Variants in RIT2 observed in about 807,000 individuals in gnomAD.
The protein encoded by RIT2 is GTP-binding protein Rit2.
Under a neutral mutation model 23.7 loss-of-function variants are expected in RIT2, and 24 were observed. The ratio of observed to expected loss-of-function variants is 1.01; its 90% CI spans 0.73 to 1.43. The LOEUF (loss-of-function observed/expected upper bound fraction) is 1.43. Among genes scored for constraint, RIT2 ranks in the 40% most tolerant of loss-of-function variants. The pLI is 0.00. For synonymous variants in RIT2, 107 were observed against 91.1 expected (o/e 1.17, Z -0.99); for missense variants, 236 against 266.9 (o/e 0.88, Z 0.81).
chr18:42,878,991 T>C (rs1414550571), intron 4 of RIT2, among the ~76,000 whole-genome samples: 1 of 152,166 alleles, frequency 6.6e-6, no homozygotes, highest in African/African-American at 2.4e-5. Context: ...TTGGTCTTTG[T>C]TTATGTTTCT....
intron 4 of RIT2, among the ~76,000 whole-genome samples, chr18:42,866,717 G>T (rs1054439566): frequency 9.3e-5 from 14 of 150,632 alleles, no homozygotes; most frequent in African/African-American, 3.4e-4. Context: ...GTCATTTTTA[G>T]CAGTTCTTTA....
intron 4 of RIT2, among the ~76,000 whole-genome samples, chr18:42,749,036 A>G (rs1425588137): frequency 1.3e-5 from 2 of 151,996 alleles, no homozygotes; most frequent in Non-Finnish European, 2.9e-5. Flanking sequence ...AACAAATGAA[A>G]AAGTCAGATT....
chr18:42,811,965 A>G (rs1300309460), intron 4 of RIT2, among the ~76,000 whole-genome samples: 1 of 152,178 alleles, frequency 6.6e-6, no homozygotes, highest in Non-Finnish European at 1.5e-5. Context: ...CTTCATAAAT[A>G]TGAAAGTCAT....
chr18:42,911,601 T>C (rs1260185579), intron 4 of RIT2, among the ~76,000 whole-genome samples: 1 of 152,008 alleles, frequency 6.6e-6, no homozygotes, highest in African/African-American at 2.4e-5. Flanking sequence ...GTGCCTTACA[T>C]ATATGCAAAA....
chr18:42,805,725 A>T (rs2143968102), intron 4 of RIT2, among the ~76,000 whole-genome samples: 1 of 152,296 alleles, frequency 6.6e-6, no homozygotes, highest in Admixed American at 6.5e-5. Context: ...AGCTCATAAG[A>T]CAAATCTTTA....
intron 4 of RIT2, among the ~76,000 whole-genome samples, chr18:42,872,208 A>T (rs1337844656): frequency 6.6e-6 from 1 of 152,218 alleles, no homozygotes; most frequent in Non-Finnish European, 1.5e-5. Flanking sequence ...CAAACTGGCT[A>T]GGCCATTGAA....
intron 1 of RIT2, among the ~76,000 whole-genome samples, chr18:43,112,830 A>T (rs1013783435): frequency 7.2e-5 from 11 of 152,176 alleles, no homozygotes; most frequent in African/African-American, 2.2e-4. Context: ...TTAGTTTTTA[A>T]TTCATGTTTA....
intron 4 of RIT2, among the ~76,000 whole-genome samples, chr18:42,828,298 T>G (rs1038208124): frequency 6.6e-6 from 1 of 152,216 alleles, no homozygotes; most frequent in African/African-American, 2.4e-5. Flanking sequence ...CATTGATCAT[T>G]AAAATGAAAA....
At chr18:43,046,591 G>T (rs1370127609) in intron 1 of RIT2, among the ~76,000 whole-genome samples, 1 of 152,148 alleles carries the variant, frequency 6.6e-6, no homozygotes, top group Non-Finnish European at 1.5e-5. Context: ...AGACAACACA[G>T]GGTCTTCCAC....
intron 1 of RIT2, among the ~76,000 whole-genome samples, chr18:43,112,535 G>A (rs963450102): frequency 3.9e-5 from 6 of 152,110 alleles, no homozygotes; most frequent in African/African-American, 7.2e-5. Context: ...AATCTTGTGG[G>A]AATTCCTATT....
chr18:42,965,597 C>T (rs956237181), intron 3 of RIT2, among the ~76,000 whole-genome samples: 4 of 151,036 alleles, frequency 2.6e-5, no homozygotes, highest in African/African-American at 7.3e-5. Flanking sequence ...AAAATAAATA[C>T]TCCTAATGTT....
chr18:43,044,563 T>C (rs961288025), intron 1 of RIT2, among the ~76,000 whole-genome samples: 2 of 152,170 alleles, frequency 1.3e-5, no homozygotes, highest in African/African-American at 2.4e-5. Flanking sequence ...AGTTCAAAGA[T>C]GGGAAGGGAA....
chr18:43,009,769 G>A (rs903710070), intron 2 of RIT2, among the ~76,000 whole-genome samples: 10 of 151,642 alleles, frequency 6.6e-5, no homozygotes, highest in South Asian at 2.1e-4. Flanking sequence ...CCATGTCCCC[G>A]TCTGATGCAG....
intron 2 of RIT2, among the ~76,000 whole-genome samples, chr18:42,996,646 G>T (rs1910991402): frequency 6.6e-6 from 1 of 151,120 alleles, no homozygotes; most frequent in Non-Finnish European, 1.5e-5. Flanking sequence ...ACCCCCCTTT[G>T]AGTGTAATTT....
rs187597141 is a variant in RIT2, at chr18:42,922,447, T to C, written c.426+1125A>G. Among the ~76,000 whole-genome samples, 973 of 152,236 alleles carry C rather than the reference T, an allele frequency of 6.4e-3. 6 individuals carry two copies. Among genetic ancestry groups the C allele is most frequent in the African/African-American group, 0.022 (902 of 41,556 alleles). On this transcript the variant is annotated intron_variant, in intron 4 of 4. Coordinates refer to ENST00000326695, the MANE Select transcript of RIT2 (RefSeq NM_002930.4). ...AATTTAAGGTCAACGAAAAGAAAGATGAAGCATCTCAATTTATAACAAAGC... is the reference window on the plus strand; with the variant it reads ...AATTTAAGGTCAACGAAAAGAAAGACGAAGCATCTCAATTTATAACAAAGC...
At chr18:42,789,382 AT>A (rs1913991775) in intron 4 of RIT2, among the ~76,000 whole-genome samples, 1 of 152,062 alleles carries the variant, frequency 6.6e-6, no homozygotes, top group South Asian at 2.1e-4. Context: ...AGGCTAAACT[AT>A]TTTCTTCCTT....
At chr18:42,792,761 C>T (rs1178902466) in intron 4 of RIT2, among the ~76,000 whole-genome samples, 1 of 152,226 alleles carries the variant, frequency 6.6e-6, no homozygotes, top group South Asian at 2.1e-4. Context: ...CACAGGTTGA[C>T]TTTTTTGTGT....
intron 1 of RIT2, among the ~76,000 whole-genome samples, chr18:43,074,405 C>T (rs1912965336): frequency 6.6e-6 from 1 of 151,962 alleles, no homozygotes; most frequent in Non-Finnish European, 1.5e-5. Flanking sequence ...TTACTTTTTC[C>T]AACTAATAAT....
intron 3 of RIT2, among the ~76,000 whole-genome samples, chr18:42,962,927 CT>C (rs1910125952): frequency 6.6e-6 from 1 of 152,128 alleles, no homozygotes; most frequent in Non-Finnish European, 1.5e-5. Context: ...TTTTTACCTA[CT>C]TTTGAGGGCA....
Sources: gnomAD v4.1 joint callset for allele counts (sites outside exome capture counted in the v4.1 genomes callset) on GRCh38, gnomAD v4.1.1 for gene constraint, MANE v1.5 for transcripts, NCBI Gene and HGNC (gene_info 2026-07-23, HGNC 2026-07-21) for gene names.